CDC42BPA: variants seen among roughly 807,000 people sequenced by gnomAD.
CDC42BPA encodes the protein serine/threonine-protein kinase MRCK alpha.
In CDC42BPA, 80 loss-of-function variants were observed where a neutral mutation model predicts 223.5. That is an observed-to-expected ratio of 0.36 (90% CI 0.30 to 0.43). CDC42BPA has a LOEUF of 0.43. Among genes scored for constraint, CDC42BPA ranks in the 20% least tolerant of loss-of-function variants. The probability of loss-of-function intolerance (pLI) is 1.00; values close to 1 mark genes in which losing one functional copy is unlikely to be tolerated. For missense variants in CDC42BPA, 1,743 were observed against 2,099.9 expected (o/e 0.83, Z 3.32); for synonymous variants, 694 against 718.6 (o/e 0.97, Z 0.55).
At chr1:227,160,497 G>A (rs1324480925) in intron 6 of CDC42BPA, 46 bp downstream of exon 6, 1 of 1,159,506 alleles carries the variant, frequency 8.6e-7, no homozygotes, top group African/African-American at 1.5e-5. Context: ...CAAATAGCAA[G>A]GGAAATGTCT....
chr1:227,181,441 C>T (rs1175211305), intron 5 of CDC42BPA, among the ~76,000 whole-genome samples: 1 of 152,008 alleles, frequency 6.6e-6, no homozygotes, highest in African/African-American at 2.4e-5. Context: ...TACTTTGGTC[C>T]TCCTTCTTTA....
At chr1:227,051,205 AG>A in intron 22 of CDC42BPA, among the ~76,000 whole-genome samples, 1 of 152,208 alleles carries the variant, frequency 6.6e-6, no homozygotes, top group Non-Finnish European at 1.5e-5. Context: ...AGAAAAGGAA[AG>A]CAAAGGAGCT....
intron 23 of CDC42BPA, among the ~76,000 whole-genome samples, chr1:227,043,720 TA>T (rs1161874223): frequency 6.6e-6 from 1 of 152,222 alleles, no homozygotes; most frequent in African/African-American, 2.4e-5. Flanking sequence ...TATGTGTTTT[TA>T]ATTTATATAA....
chr1:227,100,454 G>A (rs1355929094), intron 15 of CDC42BPA, among the ~76,000 whole-genome samples: 1 of 152,040 alleles, frequency 6.6e-6, no homozygotes. Flanking sequence ...ATCTATTTAT[G>A]TTTCAGTCAT....
chr1:227,300,604 TAAGTG>T (rs1691456286), intron 1 of CDC42BPA, among the ~76,000 whole-genome samples: 1 of 152,114 alleles, frequency 6.6e-6, no homozygotes, highest in African/African-American at 2.4e-5. Context: ...TTCTCACTTA[TAAGTG>T]GGAGCTAAGC....
chr1:227,001,188 T>C (rs1041674500), intron 35 of CDC42BPA, among the ~76,000 whole-genome samples: 1 of 152,232 alleles, frequency 6.6e-6, no homozygotes, highest in Non-Finnish European at 1.5e-5. Flanking sequence ...AGACTGAACA[T>C]AGTTGGCCTG....
At chr1:227,010,958 G>C (rs577982040) in intron 34 of CDC42BPA, 6 of 1,364,550 alleles carry the variant, frequency 4.4e-6, no homozygotes, top group Non-Finnish European at 5.9e-6. Flanking sequence ...TCAGGAGAGA[G>C]AAATTTTTCA....
At chr1:227,133,067 C>T (rs1292634251) in intron 10 of CDC42BPA, among the ~76,000 whole-genome samples, 1 of 147,816 alleles carries the variant, frequency 6.8e-6, no homozygotes, top group African/African-American at 2.5e-5. Context: ...AGGCCAGCCG[C>T]CCCGTCCGGG....
intron 12 of CDC42BPA, among the ~76,000 whole-genome samples, chr1:227,116,698 T>C (rs1243407497): frequency 6.6e-6 from 1 of 152,204 alleles, no homozygotes; most frequent in Non-Finnish European, 1.5e-5. Flanking sequence ...AACTTTTATG[T>C]TTTTGCAGCT....
In CDC42BPA at chr1:227,031,485, A is replaced by G. The variant is rs1382512969; in HGVS notation, c.3588T>C (p.Asn1196=). The G allele has an allele frequency of 1.2e-6, 2 of 1,614,072 alleles. No individual in the cohort carries two copies. Among genetic ancestry groups the G allele is most frequent in the Non-Finnish European group, 1.7e-6 (2 of 1,179,956 alleles). ...RVTASQLSAS[N]NKCSILMLAD... is the part of the protein sequence containing the mutation. Reference sequence around the variant, plus strand: ...CTAGCATCAGGATTGAACATTTGTTATTAGATGCTGAGAGCTGGGAAGCTG... The same window carrying G: ...CTAGCATCAGGATTGAACATTTGTTGTTAGATGCTGAGAGCTGGGAAGCTG... The change falls in exon 28 of 37, where the codon AAT becomes AAC. Residue 1196 remains asparagine (N), a synonymous_variant. Coordinates refer to ENST00000366766, the MANE Select transcript of CDC42BPA (RefSeq NM_001394014.1).
At chr1:227,280,863 C>A (rs1192434535) in intron 1 of CDC42BPA, among the ~76,000 whole-genome samples, 1 of 152,162 alleles carries the variant, frequency 6.6e-6, no homozygotes, top group Non-Finnish European at 1.5e-5. Flanking sequence ...TCTTAGCCTG[C>A]TTCTCTTCTA....
intron 23 of CDC42BPA, among the ~76,000 whole-genome samples, chr1:227,046,478 G>C (rs1400460525): frequency 6.6e-6 from 1 of 152,116 alleles, no homozygotes; most frequent in African/African-American, 2.4e-5. Context: ...TTGTGGTTTT[G>C]CACTTCTTTC....
chr1:227,131,062 CT>C (rs1558567232), intron 10 of CDC42BPA, among the ~76,000 whole-genome samples: 1 of 152,114 alleles, frequency 6.6e-6, no homozygotes, highest in South Asian at 2.1e-4. Flanking sequence ...CTATCTTACT[CT>C]TTTTTAAATA....
In CDC42BPA at chr1:227,041,437, T is replaced by C. The variant is rs575030486; in HGVS notation, c.3094-1201A>G. 6.8e-4 allele frequency among the ~76,000 whole-genome samples: 103 copies of C among 152,332 alleles called. 1 individual carries two copies. Among genetic ancestry groups the C allele is most frequent in the African/African-American group, 2.3e-3 (97 of 41,574 alleles). On this transcript the variant is annotated intron_variant, in intron 23 of 36. Transcript: ENST00000366766. ...TTAAACTACTAAGAACTCTACTCCA[T>C]ATTCTAATAAATTATGAATACTGAT... is the stretch of plus-strand genomic sequence containing the variant.
chr1:227,247,127 G>A (rs2670442), intron 2 of CDC42BPA, among the ~76,000 whole-genome samples: 4,380 of 152,128 alleles, frequency 0.029, 103 homozygotes, highest in Non-Finnish European at 0.037. Context: ...CAGAACCTGG[G>A]AGGCAGAGGT....
At chr1:227,074,700 A>T (rs1292727414) in intron 17 of CDC42BPA, among the ~76,000 whole-genome samples, 2 of 152,204 alleles carry the variant, frequency 1.3e-5, no homozygotes, top group African/African-American at 4.8e-5. Context: ...AGGTTTTCTA[A>T]ATAATAAGAT....
intron 34 of CDC42BPA, among the ~76,000 whole-genome samples, chr1:227,012,168 T>C (rs1008537467): frequency 5.3e-5 from 8 of 152,184 alleles, no homozygotes; most frequent in Non-Finnish European, 1.0e-4. Context: ...CTCGAAAATA[T>C]ACTTTTATTA....
intron 29 of CDC42BPA, 75 bp from the exon 30 acceptor site, chr1:227,029,325 G>GT: frequency 2.1e-6 from 2 of 974,542 alleles, no homozygotes; most frequent in Non-Finnish European, 3.0e-6. Context: ...TCAAAAGGAT[G>GT]TAAGTCAACT....
chr1:227,252,196 A>G (rs1682134320), intron 2 of CDC42BPA, among the ~76,000 whole-genome samples: 1 of 152,092 alleles, frequency 6.6e-6, no homozygotes, highest in Non-Finnish European at 1.5e-5. Context: ...CAAATCTACA[A>G]TAACAAAATT....
Sources: gnomAD v4.1 joint callset for allele counts (sites outside exome capture counted in the v4.1 genomes callset) on GRCh38, gnomAD v4.1.1 for gene constraint, MANE v1.5 for transcripts, NCBI Gene and HGNC (gene_info 2026-07-23, HGNC 2026-07-21) for gene names.